DENND1B: variants seen among roughly 807,000 people sequenced by gnomAD.
DENND1B encodes DENN domain-containing protein 1B.
In DENND1B, 59 loss-of-function variants were observed where a neutral mutation model predicts 90.1. That is an observed-to-expected ratio of 0.65 (90% CI 0.53 to 0.81). DENND1B has a LOEUF of 0.81. Ranked by LOEUF, DENND1B falls within the 40% of genes least tolerant of loss-of-function variation. The pLI is 0.00. For missense variants in DENND1B, 862 were observed against 912.6 expected, an observed-to-expected ratio of 0.94 and a Z score of 0.71; for synonymous variants, 337 against 324.6, an observed-to-expected ratio of 1.04 and a Z score of -0.41.
chr1:197,743,912 T>C (rs899095243), intron 2 of DENND1B, among the ~76,000 whole-genome samples: 7 of 152,232 alleles, frequency 4.6e-5, no homozygotes, highest in Admixed American at 1.3e-4. Flanking sequence ...ATCTCAACAA[T>C]GTTCAGAGCA....
chr1:197,561,507 G>A (rs529021089), intron 15 of DENND1B, among the ~76,000 whole-genome samples: 1 of 151,558 alleles, frequency 6.6e-6, no homozygotes, highest in South Asian at 2.1e-4. Context: ...TTTTTCCTTT[G>A]GTAATCTCAT....
Position 197,511,833 on chromosome 1 carries a change from C to T in DENND1B, c.1710G>A (p.Glu570=), listed in dbSNP as rs1258155236. 1 of 1,611,298 alleles carries T rather than the reference C, an allele frequency of 6.2e-7. No homozygotes were observed. Among genetic ancestry groups the T allele is most frequent in the Non-Finnish European group, 8.5e-7 (1 of 1,178,316 alleles). Residue 570 remains glutamate (E), a synonymous_variant, in exon 22 of 23, where the codon GAG becomes GAA. Coordinates refer to ENST00000620048, the MANE Select transcript of DENND1B (RefSeq NM_001195215.2). ...PYSGEMDLLG[E]ILDTLSTHSS... is the part of the protein sequence containing the mutation. ...TGTGTGTGCTCAATGTATCAAGAAT[C>T]TCTCCTAGTAAGTCCATTTCACCTG...
chr1:197,548,174 G>A (rs927627926), intron 16 of DENND1B, among the ~76,000 whole-genome samples: 1 of 152,186 alleles, frequency 6.6e-6, no homozygotes, highest in Non-Finnish European at 1.5e-5. Context: ...TTAGAACTAT[G>A]AGGAATTTAA....
At chr1:197,720,979 A>G (rs1296073412) in intron 2 of DENND1B, among the ~76,000 whole-genome samples, 4 of 151,742 alleles carry the variant, frequency 2.6e-5, no homozygotes, top group African/African-American at 9.7e-5. Flanking sequence ...CTAATTCAGT[A>G]GTTCTCAAAC....
At chr1:197,747,826 C>T (rs867505579) in intron 2 of DENND1B, among the ~76,000 whole-genome samples, 5 of 152,232 alleles carry the variant, frequency 3.3e-5, no homozygotes, top group African/African-American at 7.2e-5. Context: ...GGTGCATTCA[C>T]ACCCCACTCC....
At chr1:197,527,375 C>G (rs1224180652) in intron 20 of DENND1B, among the ~76,000 whole-genome samples, 1 of 151,226 alleles carries the variant, frequency 6.6e-6, no homozygotes, top group Non-Finnish European at 1.5e-5. Flanking sequence ...CTCTGCCTCC[C>G]GGGTTCAAGT....
At chr1:197,701,060 C>T (rs1445204474) in intron 3 of DENND1B, among the ~76,000 whole-genome samples, 1 of 152,090 alleles carries the variant, frequency 6.6e-6, no homozygotes, top group Non-Finnish European at 1.5e-5. Flanking sequence ...ACCATTTGAC[C>T]CAGCAATCCC....
chr1:197,660,063 A>G (rs1344232387), intron 5 of DENND1B, among the ~76,000 whole-genome samples: 1 of 151,954 alleles, frequency 6.6e-6, no homozygotes, highest in Non-Finnish European at 1.5e-5. Flanking sequence ...AAAAAAAACT[A>G]AACTTTTCTA....
rs546854167 is a variant in DENND1B, at chr1:197,715,253, A to AT, written c.83-180dup. 1.7e-3 allele frequency among the ~76,000 whole-genome samples: 256 copies of AT among 152,028 alleles called. 1 individual carries two copies. The highest frequency in any genetic ancestry group is 5.4e-3 in the African/African-American group (223 of 41,544). ...TTCCTTTCTATAATTAAATATTTTG[A>AT]TTTTTTAAGAAATGTAATGACCTTC... is the stretch of plus-strand genomic sequence containing the variant. On this transcript the variant is annotated intron_variant, in intron 2 of 22. Transcript: ENST00000620048.
intron 9 of DENND1B, among the ~76,000 whole-genome samples, chr1:197,643,591 C>A (rs945778544): frequency 1.3e-5 from 2 of 152,178 alleles, no homozygotes; most frequent in South Asian, 4.1e-4. Context: ...TCATCTGATA[C>A]GACACAGCAT....
At chr1:197,774,043 T>A (rs559481312) in intron 1 of DENND1B, among the ~76,000 whole-genome samples, 1 of 152,240 alleles carries the variant, frequency 6.6e-6, no homozygotes, top group Non-Finnish European at 1.5e-5. Context: ...CATGCAAATA[T>A]ACATTTTTTT....
intron 10 of DENND1B, among the ~76,000 whole-genome samples, chr1:197,635,501 T>A (rs1370849308): frequency 6.6e-6 from 1 of 151,474 alleles, no homozygotes; most frequent in Non-Finnish European, 1.5e-5. Context: ...CACACCCAGC[T>A]AATTTTCTTA....
In DENND1B at chr1:197,594,374, G is replaced by A. The variant is rs866079882; in HGVS notation, c.1047+834C>T. Among the ~76,000 whole-genome samples the A allele has an allele frequency of 1.4e-4, 21 of 152,198 alleles. No individual in the cohort carries two copies. The Middle Eastern group carries it at 0.01, about 74-fold the overall frequency. Reference sequence around the variant, plus strand: ...TTATCCTGAAAGATAGAGGGGGAAGGTATAAGAATTCTCATTTTACAAACA... The same window carrying A: ...TTATCCTGAAAGATAGAGGGGGAAGATATAAGAATTCTCATTTTACAAACA... On this transcript the variant is annotated intron_variant, in intron 14 of 22. Coordinates refer to ENST00000620048, the MANE Select transcript of DENND1B (RefSeq NM_001195215.2).
At chr1:197,645,193 T>A (rs1680624581) in intron 9 of DENND1B, among the ~76,000 whole-genome samples, 1 of 152,122 alleles carries the variant, frequency 6.6e-6, no homozygotes, top group African/African-American at 2.4e-5. Flanking sequence ...AGATATGTAT[T>A]GCTTTAAATT....
chr1:197,512,392 G>C (rs901435019), intron 21 of DENND1B, among the ~76,000 whole-genome samples: 10 of 151,686 alleles, frequency 6.6e-5, no homozygotes, highest in African/African-American at 2.4e-4. Flanking sequence ...TTTTGTCATT[G>C]TCATACATCA....
At chr1:197,728,703 C>G (rs1176469214) in intron 2 of DENND1B, among the ~76,000 whole-genome samples, 1 of 152,182 alleles carries the variant, frequency 6.6e-6, no homozygotes, top group Non-Finnish European at 1.5e-5. Flanking sequence ...CAGCTCTTCT[C>G]AACTCACTGC....
chr1:197,607,048 A>G, intron 13 of DENND1B, 25 bp downstream of exon 13: 1 of 1,526,646 alleles, frequency 6.6e-7, no homozygotes, highest in South Asian at 1.1e-5. Flanking sequence ...ATATATGTTC[A>G]CCACTGAATA....
intron 2 of DENND1B, chr1:197,747,297 A>C (rs1372924750): frequency 3.3e-6 from 2 of 602,338 alleles, no homozygotes; most frequent in African/African-American, 3.7e-5. Context: ...TTTTGGGTTC[A>C]TCTATCGAGA....
chr1:197,564,163 C>T (rs1672412263), intron 15 of DENND1B, among the ~76,000 whole-genome samples: 1 of 151,686 alleles, frequency 6.6e-6, no homozygotes, highest in South Asian at 2.1e-4. Context: ...GATTAAGCAG[C>T]AGAAGGGTTT....
Sources: allele counts gnomAD v4.1 joint callset (sites outside exome capture counted in the v4.1 genomes callset), GRCh38; gene constraint gnomAD v4.1.1; transcripts MANE v1.5; gene names NCBI Gene and HGNC (gene_info 2026-07-23, HGNC 2026-07-21).